MYO5C: variants seen among roughly 807,000 people sequenced by gnomAD.
MYO5C encodes the protein myosin VC.
MYO5C carries 194 observed loss-of-function variants against 235.7 expected under a neutral mutation model. The ratio of observed to expected loss-of-function variants is 0.82; its 90% CI spans 0.73 to 0.93. The LOEUF (loss-of-function observed/expected upper bound fraction) is 0.93. Among genes scored for constraint, MYO5C ranks in the 40% least tolerant of loss-of-function variants. The pLI is 0.00. For missense variants in MYO5C, 2,038 were observed against 2,127.2 expected, an observed-to-expected ratio of 0.96 and a Z score of 0.82; for synonymous variants, 707 against 754.8, an observed-to-expected ratio of 0.94 and a Z score of 1.04.
At chr15:52,250,601 T>TTCCAGGTTGCTGTCCCCTCCC (rs2036450797) in intron 13 of MYO5C, among the ~76,000 whole-genome samples, 1 of 152,170 alleles carries the variant, frequency 6.6e-6, no homozygotes, top group South Asian at 2.1e-4. Context: ...GATCACAGCT[T>TTCCAGGTTGCTGTCCCCTCCC]TCCAGGTTGC....
chr15:52,279,676 T>A lies in MYO5C; in HGVS notation c.139-2A>T. On this transcript the variant is annotated splice_acceptor_variant, in intron 2 of 40. Transcript: ENST00000261839. LOFTEE classifies it high-confidence loss of function. ...TGGATTGACAGAATAATCCAGCTCC[T>A]ATGGACAAAGATAAAAATTAAAGCT... The A allele has an allele frequency of 1.2e-6, 2 of 1,602,756 alleles. No homozygotes were observed. Among genetic ancestry groups the A allele is most frequent in the Non-Finnish European group, 1.7e-6 (2 of 1,170,638 alleles).
chr15:52,216,931 A>C (rs1419128028), intron 32 of MYO5C, among the ~76,000 whole-genome samples: 2 of 152,210 alleles, frequency 1.3e-5, no homozygotes, highest in African/African-American at 4.8e-5. Context: ...AAACCAAGGA[A>C]TGCCTGGAGC....
chr15:52,250,903 A>G (rs1284066232), intron 13 of MYO5C: 1 of 152,264 alleles, frequency 6.6e-6, no homozygotes, highest in African/African-American at 2.4e-5. Context: ...GACAAGTAAC[A>G]TTTGTTTAGT....
At chr15:52,239,433 C>A (rs532827841) in intron 21 of MYO5C, among the ~76,000 whole-genome samples, 135 of 151,610 alleles carry the variant, frequency 8.9e-4, no homozygotes, top group African/African-American at 3.3e-3. Flanking sequence ...TAGGAGGTAC[C>A]TTTGCCTCAA....
At chr15:52,293,336 T>C (rs996988392) in intron 1 of MYO5C, among the ~76,000 whole-genome samples, 2 of 152,112 alleles carry the variant, frequency 1.3e-5, no homozygotes, top group African/African-American at 4.8e-5. Flanking sequence ...CCCTCTTCTC[T>C]GTCTGCCTTC....
intron 24 of MYO5C, among the ~76,000 whole-genome samples, chr15:52,231,296 G>C (rs1646551794): frequency 6.6e-6 from 1 of 152,130 alleles, no homozygotes; most frequent in Admixed American, 6.5e-5. Context: ...CTAATGAGGA[G>C]GCAGAACACG....
chr15:52,211,339 C>T (rs929387411), intron 35 of MYO5C, among the ~76,000 whole-genome samples: 2 of 152,158 alleles, frequency 1.3e-5, no homozygotes, highest in Non-Finnish European at 2.9e-5. Flanking sequence ...AATAAAAATA[C>T]ACAATGTGCT....
In MYO5C at chr15:52,245,855, C is replaced by A. The variant is rs1259596495; in HGVS notation, c.2066+101G>T. On this transcript the variant is annotated intron_variant, in intron 17 of 40. Coordinates refer to ENST00000261839, the MANE Select transcript of MYO5C (RefSeq NM_018728.4). ...AAATCTTGGGGGCACTTTACAGAAG[C>A]CAAAAGTATGTGACAAAAATCATGG... is the stretch of plus-strand genomic sequence containing the variant. 3.6e-6 allele frequency: 4 copies of A among 1,120,030 alleles called. No individual in the cohort carries two copies. In the Admixed American group the frequency reaches 7.7e-5, roughly 21 times the overall value. 69.4% of individuals were successfully genotyped at this position (1,120,030 alleles called of 1,614,324 possible).
At chr15:52,239,708 TA>T in intron 21 of MYO5C, 24 bp downstream of exon 21, 1 of 1,566,416 alleles carries the variant, frequency 6.4e-7, no homozygotes, top group Non-Finnish European at 8.7e-7. Flanking sequence ...AAAGTAAATG[TA>T]AAAGATGCAC....
Position 52,242,091 on chromosome 15 carries a change from T to C in MYO5C, c.2513A>G (p.Gln838Arg). Residue 838 changes from glutamine (Q) to arginine (R), a missense_variant, in exon 20 of 41, where the codon CAG (glutamine) becomes CGG (arginine). Coordinates refer to ENST00000261839, the MANE Select transcript of MYO5C (RefSeq NM_018728.4). ...QLIRMATITM[Q>R]AYSRGFLARR... ...TGCCAGGAATCCTCGGCTGTAGGCC[T>C]GCATTGTGATGGTGGCCATGCGAAT... The C allele has an allele frequency of 6.2e-7, 1 of 1,613,978 alleles. No homozygotes were observed. Among genetic ancestry groups the C allele is most frequent in the Non-Finnish European group, 8.5e-7 (1 of 1,179,948 alleles).
intron 21 of MYO5C, among the ~76,000 whole-genome samples, chr15:52,239,483 C>T (rs941020179): frequency 2.6e-5 from 4 of 152,350 alleles, no homozygotes; most frequent in East Asian, 1.9e-4. Flanking sequence ...CCTTGGCAAG[C>T]GGAGCCAGGC....
intron 1 of MYO5C, among the ~76,000 whole-genome samples, chr15:52,289,859 C>T (rs990081602): frequency 1.3e-5 from 2 of 152,232 alleles, no homozygotes; most frequent in African/African-American, 4.8e-5. Context: ...TTTCAATCCA[C>T]CCTCTGCCTG....
Position 52,193,508 on chromosome 15 carries a change from G to A in MYO5C, c.*394C>T, listed in dbSNP as rs1393357160. On this transcript the variant is annotated 3_prime_UTR_variant, in exon 41 of 41. Transcript: ENST00000261839. ...AGCACTAGAATCCACTTGCAGCTTTGTAAATGTACTCAGGTTTCACATGAA... is the reference window on the plus strand; with the variant it reads ...AGCACTAGAATCCACTTGCAGCTTTATAAATGTACTCAGGTTTCACATGAA... The A allele has an allele frequency of 6.2e-6, 1 of 160,036 alleles. No individual in the cohort carries two copies. Among genetic ancestry groups the A allele is most frequent in the Non-Finnish European group, 1.4e-5 (1 of 73,788 alleles). The allele number at this position is 160,036 out of a possible 1,614,324, so 9.9% of individuals were successfully genotyped here.
At chr15:52,294,297 A>C (rs1361321409) in intron 1 of MYO5C, among the ~76,000 whole-genome samples, 2 of 152,276 alleles carry the variant, frequency 1.3e-5, no homozygotes, top group Non-Finnish European at 2.9e-5. Flanking sequence ...ACTTCCAGTA[A>C]ACTGAAGGCT....
chr15:52,225,914 G>A (rs1159305413), intron 25 of MYO5C, among the ~76,000 whole-genome samples: 1 of 152,144 alleles, frequency 6.6e-6, no homozygotes, highest in Non-Finnish European at 1.5e-5. Flanking sequence ...GCCAGGCATG[G>A]TGGCAGACGC....
At position 52,193,889 on chromosome 15, in the gene MYO5C, A is replaced by G; in HGVS notation, c.*13T>C. On this transcript the variant is annotated 3_prime_UTR_variant, in exon 41 of 41. Coordinates refer to ENST00000261839, the MANE Select transcript of MYO5C (RefSeq NM_018728.4). The stretch of plus-strand genomic sequence containing the variant: ...TAGCTTTTGAAGAAAAAGTGCATTG[A>G]CTTTTTCTCCTGCTATAACCTATTC... 4 of 1,600,806 alleles carry G rather than the reference A, an allele frequency of 2.5e-6. No homozygotes were observed. The South Asian group carries it at 4.6e-5, about 18-fold the overall frequency.
intron 9 of MYO5C, among the ~76,000 whole-genome samples, chr15:52,262,461 C>T (rs1195607738): frequency 6.6e-6 from 1 of 152,108 alleles, no homozygotes; most frequent in Admixed American, 6.5e-5. Flanking sequence ...AGGGCAGAAG[C>T]CCAGCTTCTC....
At chr15:52,228,462 T>A (rs1490714274) in intron 25 of MYO5C, among the ~76,000 whole-genome samples, 2 of 152,190 alleles carry the variant, frequency 1.3e-5, no homozygotes, top group Non-Finnish European at 2.9e-5. Flanking sequence ...TTTTTATATA[T>A]CATTATGCAG....
chr15:52,222,495 A>T (rs1055742499), intron 29 of MYO5C, among the ~76,000 whole-genome samples: 2 of 152,116 alleles, frequency 1.3e-5, no homozygotes, highest in Non-Finnish European at 2.9e-5. Flanking sequence ...CAAGAGAACA[A>T]GGCAGAGAGG....
Sources: gnomAD v4.1 joint callset for allele counts (sites outside exome capture counted in the v4.1 genomes callset) on GRCh38, gnomAD v4.1.1 for gene constraint, MANE v1.5 for transcripts, NCBI Gene and HGNC (gene_info 2026-07-23, HGNC 2026-07-21) for gene names.